Variants in ANKS1B observed in about 807,000 individuals in gnomAD.
The protein encoded by ANKS1B is ankyrin repeat and sterile alpha motif domain containing 1B, also known as ankyrin repeat and sterile alpha motif domain-containing protein 1B.
Under a neutral mutation model 148.3 loss-of-function variants are expected in ANKS1B, and 36 were observed. The observed-to-expected ratio is 0.24, with a 90% CI of 0.19 to 0.32. The LOEUF is 0.32. Among genes scored for constraint, ANKS1B ranks in the 10% least tolerant of loss-of-function variants. The probability of loss-of-function intolerance (pLI) is 1.00; values close to 1 mark genes in which losing one functional copy is unlikely to be tolerated. For synonymous variants in ANKS1B, 542 were observed against 560.8 expected, an observed-to-expected ratio of 0.97 and a Z score of 0.47; for missense variants, 1,157 against 1,542.6, an observed-to-expected ratio of 0.75 and a Z score of 4.19.
In ANKS1B at chr12:98,937,849, A is replaced by T. The variant is rs117627971; in HGVS notation, c.2779-105713T>A. On this transcript the variant is annotated intron_variant, in intron 17 of 26. Transcript: ENST00000683438. ...GGGAGGCCTCAGGAAATGTACAATC[A>T]CAGTGGAAGGTGAAGCAGAAGCAAG... Among the ~76,000 whole-genome samples the T allele has an allele frequency of 6.4e-4, 98 of 152,296 alleles. 1 individual carries two copies. In the East Asian group the frequency reaches 0.017, roughly 26 times the overall value.
At chr12:99,408,338 A>G (rs114825366) in intron 11 of ANKS1B, among the ~76,000 whole-genome samples, 2,897 of 146,186 alleles carry the variant, frequency 0.02, 503 homozygotes, top group African/African-American at 0.071. Context: ...GCCTTATACA[A>G]AAATCAAATC....
intron 14 of ANKS1B, among the ~76,000 whole-genome samples, chr12:99,207,506 A>T (rs1348501467): frequency 2.0e-5 from 3 of 152,124 alleles, no homozygotes; most frequent in Non-Finnish European, 4.4e-5. Context: ...CAACATATTT[A>T]AGTCTGTTAG....
intron 11 of ANKS1B, among the ~76,000 whole-genome samples, chr12:99,435,288 C>T (rs2095441271): frequency 6.6e-6 from 1 of 152,002 alleles, no homozygotes; most frequent in Admixed American, 6.6e-5. Context: ...GTTTATACTT[C>T]CTGTGGCTCA....
chr12:99,256,064 A>G (rs919585209), intron 12 of ANKS1B, among the ~76,000 whole-genome samples: 14 of 152,036 alleles, frequency 9.2e-5, no homozygotes, highest in Non-Finnish European at 8.8e-5. Flanking sequence ...TATCTGGCCA[A>G]CATGGTGAAA....
intron 8 of ANKS1B, among the ~76,000 whole-genome samples, chr12:99,701,104 C>A (rs1338249013): frequency 6.6e-6 from 1 of 152,162 alleles, no homozygotes; most frequent in Non-Finnish European, 1.5e-5. Flanking sequence ...TGTTTCTCAA[C>A]CTGGTATATA....
intron 8 of ANKS1B, among the ~76,000 whole-genome samples, chr12:99,736,810 A>G (rs1438803918): frequency 6.6e-6 from 1 of 152,114 alleles, no homozygotes. Flanking sequence ...ACAAGGGACT[A>G]ATATCCAGCA....
intron 25 of ANKS1B, among the ~76,000 whole-genome samples, chr12:98,753,061 A>G (rs2098134650): frequency 6.6e-6 from 1 of 151,998 alleles, no homozygotes; most frequent in African/African-American, 2.4e-5. Context: ...CTGTGGGTCC[A>G]CTCTATATTT....
At position 99,955,492 on chromosome 12, in the gene ANKS1B, CAAAAAAAAAAAAAAAA is replaced by C. The variant is rs61654867; in HGVS notation, c.134+28596_134+28611del. On this transcript the variant is annotated intron_variant, in intron 1 of 26. Coordinates refer to ENST00000683438, the MANE Select transcript of ANKS1B (RefSeq NM_001352186.2). ...TGGGCGACAGAGCGAAACTCCGTCT[CAAAAAAAAAAAAAAAA>C]AAAAAAAAAAAAAAAAAAAAGGCCT... 1.2e-3 allele frequency among the ~76,000 whole-genome samples: 46 copies of C among 38,096 alleles called. No homozygotes were observed. The East Asian group carries it at 0.035, about 29-fold the overall frequency. The allele number at this position is 38,096 out of a possible 152,430, so 25.0% of individuals were successfully genotyped here.
At position 99,242,041 on chromosome 12, in the gene ANKS1B, C is replaced by T. The variant is rs181978761; in HGVS notation, c.2419+2301G>A. Among the ~76,000 whole-genome samples, 72 of 152,252 alleles carry T rather than the reference C, an allele frequency of 4.7e-4. 1 individual carries two copies. Among genetic ancestry groups the T allele is most frequent in the African/African-American group, 1.6e-3 (66 of 41,546 alleles). ...CCTATTCAAAATAGTGTTGGAAGTT[C>T]TGGCCAGAGCAATCAGGCAAGAGAA... On this transcript the variant is annotated intron_variant, in intron 14 of 26. Coordinates refer to ENST00000683438, the MANE Select transcript of ANKS1B (RefSeq NM_001352186.2).
At chr12:99,154,742 T>G in intron 14 of ANKS1B, 1 of 1,440,462 alleles carries the variant, frequency 6.9e-7, no homozygotes, top group Non-Finnish European at 9.1e-7. Context: ...ATGTGATTGT[T>G]GGAGTACTCC....
chr12:99,388,403 G>T (rs985294618), intron 12 of ANKS1B, among the ~76,000 whole-genome samples: 4 of 152,190 alleles, frequency 2.6e-5, no homozygotes, highest in African/African-American at 9.7e-5. Context: ...GTGGGGCAAA[G>T]GTGACAGTTT....
chr12:99,762,784 A>G (rs1342094765), intron 8 of ANKS1B, among the ~76,000 whole-genome samples: 2 of 152,178 alleles, frequency 1.3e-5, no homozygotes, highest in Non-Finnish European at 2.9e-5. Flanking sequence ...TCTAATATCC[A>G]GAATCTATAA....
chr12:99,661,423 CT>C (rs1299117535), intron 8 of ANKS1B, among the ~76,000 whole-genome samples: 1 of 152,292 alleles, frequency 6.6e-6, no homozygotes, highest in East Asian at 1.9e-4. Flanking sequence ...AATATTTTCC[CT>C]GGCCTTCTCC....
intron 15 of ANKS1B, among the ~76,000 whole-genome samples, chr12:99,139,166 ATCTTTCTT>A (rs373995732): frequency 6.7e-6 from 1 of 148,834 alleles, no homozygotes; most frequent in South Asian, 2.1e-4. Context: ...CAGCTAATCA[ATCTTTCTT>A]TCTTTCTTTC....
intron 17 of ANKS1B, among the ~76,000 whole-genome samples, chr12:98,887,852 C>G (rs1435558448): frequency 6.6e-6 from 1 of 152,124 alleles, no homozygotes; most frequent in Non-Finnish European, 1.5e-5. Context: ...GCCTCAAGCT[C>G]TCCACCGGCC....
chr12:98,768,156 A>G (rs1252803501), intron 25 of ANKS1B, among the ~76,000 whole-genome samples: 1 of 152,152 alleles, frequency 6.6e-6, no homozygotes. Context: ...ATATGATTAG[A>G]AATCAGCTAT....
chr12:99,711,619 G>A (rs972808993), intron 8 of ANKS1B, among the ~76,000 whole-genome samples: 1 of 152,094 alleles, frequency 6.6e-6, no homozygotes, highest in African/African-American at 2.4e-5. Context: ...ATGATCATTA[G>A]AGAAATGCAA....
intron 10 of ANKS1B, among the ~76,000 whole-genome samples, chr12:99,487,597 T>C (rs1418864350): frequency 6.7e-6 from 1 of 148,324 alleles, no homozygotes; most frequent in African/African-American, 2.5e-5. Context: ...TCTTTAGTAA[T>C]TTATAAGACA....
intron 17 of ANKS1B, chr12:98,894,513 C>G: frequency 1.1e-6 from 1 of 951,142 alleles, no homozygotes; most frequent in Non-Finnish European, 1.3e-6. Context: ...CCGCAGCCTT[C>G]CCGGCTTGCC....
Sources: allele counts gnomAD v4.1 joint callset (sites outside exome capture counted in the v4.1 genomes callset), GRCh38; gene constraint gnomAD v4.1.1; transcripts MANE v1.5; gene names NCBI Gene and HGNC (gene_info 2026-07-23, HGNC 2026-07-21).